DPP10: variants seen among roughly 807,000 people sequenced by gnomAD.
The protein encoded by DPP10 is dipeptidyl peptidase like 10.
A neutral mutation model predicts 120.9 loss-of-function variants in DPP10; 33 were observed. The ratio of observed to expected loss-of-function variants is 0.27; its 90% CI spans 0.21 to 0.37. DPP10 has a LOEUF of 0.37. Among genes scored for constraint, DPP10 ranks in the 10% least tolerant of loss-of-function variants. The pLI, the probability that DPP10 is intolerant of heterozygous loss-of-function variation, is 1.00. For missense variants in DPP10, 816 were observed against 942.8 expected, an observed-to-expected ratio of 0.87 and a Z score of 1.76; for synonymous variants, 337 against 326.1, an observed-to-expected ratio of 1.03 and a Z score of -0.36.
intron 1 of DPP10, among the ~76,000 whole-genome samples, chr2:114,943,387 C>T (rs769137501): frequency 6.6e-6 from 1 of 152,188 alleles, no homozygotes; most frequent in Non-Finnish European, 1.5e-5. Context: ...GATTCTCCTG[C>T]ATCAGCCTCC....
chr2:115,549,472 T>C (rs375652228), intron 5 of DPP10, among the ~76,000 whole-genome samples: 10 of 152,218 alleles, frequency 6.6e-5, no homozygotes, highest in African/African-American at 2.4e-4. Flanking sequence ...ATGCATTCTT[T>C]CCCTATTCTC....
At chr2:114,687,942 G>A (rs551911265) in intron 1 of DPP10, among the ~76,000 whole-genome samples, 8 of 151,966 alleles carry the variant, frequency 5.3e-5, no homozygotes, top group Non-Finnish European at 1.2e-4. Context: ...TAGAACATTA[G>A]TTTTTCTGTA....
At chr2:115,503,796 T>A (rs1305588850) in intron 4 of DPP10, among the ~76,000 whole-genome samples, 1 of 152,102 alleles carries the variant, frequency 6.6e-6, no homozygotes, top group Non-Finnish European at 1.5e-5. Context: ...CAGGAGACAT[T>A]TGTCAGCTCT....
In DPP10 at chr2:114,689,597, C is replaced by T. The variant is rs114922401; in HGVS notation, c.60+246759C>T. On this transcript the variant is annotated intron_variant, in intron 1 of 25. Transcript: ENST00000410059. ...ATTTATATTCCTTTGTGTACATACTCAGTAATAGGATTGCTGGGTCAAATA... is the reference window on the plus strand; with the variant it reads ...ATTTATATTCCTTTGTGTACATACTTAGTAATAGGATTGCTGGGTCAAATA... Among the ~76,000 whole-genome samples, 1,479 of 152,102 alleles carry T rather than the reference C, an allele frequency of 9.7e-3. 20 individuals carry two copies. Among genetic ancestry groups the T allele is most frequent in the African/African-American group, 0.034 (1,415 of 41,538 alleles).
At chr2:115,630,071 C>G (rs1291794283) in intron 5 of DPP10, among the ~76,000 whole-genome samples, 1 of 151,998 alleles carries the variant, frequency 6.6e-6, no homozygotes, top group Non-Finnish European at 1.5e-5. Flanking sequence ...TGTGTCCTAT[C>G]TTATTTCCTT....
At chr2:115,017,117 T>G in intron 1 of DPP10, among the ~76,000 whole-genome samples, 1 of 149,396 alleles carries the variant, frequency 6.7e-6, no homozygotes, top group African/African-American at 2.5e-5. Flanking sequence ...AAATGATGAG[T>G]TAATGGGTGC....
chr2:114,909,791 C>T (rs1192139100), intron 1 of DPP10, among the ~76,000 whole-genome samples: 3 of 152,016 alleles, frequency 2.0e-5, no homozygotes, highest in African/African-American at 7.2e-5. Context: ...CACAAATCTT[C>T]TTTATAGGAA....
At chr2:115,455,223 C>T (rs1272671125) in intron 3 of DPP10, among the ~76,000 whole-genome samples, 1 of 151,762 alleles carries the variant, frequency 6.6e-6, no homozygotes, top group Admixed American at 6.6e-5. Flanking sequence ...GTGAAGATGG[C>T]AATTCTCCCA....
intron 1 of DPP10, among the ~76,000 whole-genome samples, chr2:115,241,905 C>T (rs549747882): frequency 6.6e-6 from 1 of 152,210 alleles, no homozygotes; most frequent in East Asian, 1.9e-4. Context: ...TGAGGAATTC[C>T]TTTGAAATTG....
intron 1 of DPP10, among the ~76,000 whole-genome samples, chr2:114,986,734 A>G (rs141481726): frequency 1.3e-3 from 198 of 152,314 alleles, no homozygotes; most frequent in African/African-American, 4.5e-3. Flanking sequence ...AAGGCTAACA[A>G]TGAATTTTAC....
chr2:115,014,202 G>T (rs537934636), intron 1 of DPP10, among the ~76,000 whole-genome samples: 1 of 152,070 alleles, frequency 6.6e-6, no homozygotes, highest in Non-Finnish European at 1.5e-5. Context: ...ACTCAAAACC[G>T]CACAACTACA....
chr2:114,503,472 A>G (rs1683374680), intron 1 of DPP10, among the ~76,000 whole-genome samples: 1 of 152,234 alleles, frequency 6.6e-6, no homozygotes, highest in South Asian at 2.1e-4. Flanking sequence ...TGATATATCA[A>G]TGACACGTTG....
intron 1 of DPP10, among the ~76,000 whole-genome samples, chr2:114,668,352 C>G (rs576614269): frequency 6.6e-6 from 1 of 152,132 alleles, no homozygotes; most frequent in African/African-American, 2.4e-5. Flanking sequence ...AATGTCCTAG[C>G]GCAGAAAGAA....
chr2:115,766,337 TGTATA>T (rs1680755025), intron 12 of DPP10, among the ~76,000 whole-genome samples: 1 of 80,768 alleles, frequency 1.2e-5, no homozygotes, highest in African/African-American at 4.8e-5. Context: ...TATATATATA[TGTATA>T]TATATATATA....
intron 1 of DPP10, among the ~76,000 whole-genome samples, chr2:115,257,322 G>T (rs895358607): frequency 6.6e-6 from 1 of 151,734 alleles, no homozygotes; most frequent in African/African-American, 2.4e-5. Flanking sequence ...ACCTCAGATG[G>T]GGCAATTTAT....
At chr2:114,856,374 T>C (rs1274262905) in intron 1 of DPP10, among the ~76,000 whole-genome samples, 1 of 152,202 alleles carries the variant, frequency 6.6e-6, no homozygotes, top group Non-Finnish European at 1.5e-5. Flanking sequence ...AATATGTATT[T>C]ATCTGTGACC....
intron 1 of DPP10, among the ~76,000 whole-genome samples, chr2:115,299,192 A>G (rs1423102666): frequency 1.3e-5 from 2 of 152,018 alleles, no homozygotes; most frequent in Admixed American, 1.3e-4. Context: ...TTCTGTTCCT[A>G]ACATTAACAT....
chr2:115,283,736 G>A (rs936940575), intron 1 of DPP10, among the ~76,000 whole-genome samples: 2 of 151,974 alleles, frequency 1.3e-5, no homozygotes, highest in Non-Finnish European at 2.9e-5. Flanking sequence ...CATGTACCAC[G>A]TAACAGTGTT....
chr2:115,187,193 C>T (rs7591171), intron 1 of DPP10, among the ~76,000 whole-genome samples: 27,975 of 147,772 alleles, frequency 0.19, 3,116 homozygotes, highest in East Asian at 0.38. Flanking sequence ...CCCGCCACCA[C>T]GCCCGGCTAA....
Sources: allele counts gnomAD v4.1 joint callset (sites outside exome capture counted in the v4.1 genomes callset), GRCh38; gene constraint gnomAD v4.1.1; transcripts MANE v1.5; gene names NCBI Gene and HGNC (gene_info 2026-07-23, HGNC 2026-07-21).